The following CDH4 variants were observed in gnomAD, a reference collection of about 807,000 sequenced individuals.
The protein encoded by CDH4 is cadherin 4, also known as cadherin-4.
A neutral mutation model predicts 86.0 loss-of-function variants in CDH4; 33 were observed. The observed-to-expected ratio is 0.38, with a 90% CI of 0.29 to 0.51. The LOEUF is 0.51. Among genes scored for constraint, CDH4 ranks in the 20% least tolerant of loss-of-function variants. The pLI is 0.86. For synonymous variants in CDH4, 555 were observed against 549.4 expected (o/e 1.01, Z -0.14); for missense variants, 1,114 against 1,307.4 (o/e 0.85, Z 2.28).
At chr20:61,499,719 G>A (rs745776101) in intron 2 of CDH4, among the ~76,000 whole-genome samples, 4 of 152,160 alleles carry the variant, frequency 2.6e-5, no homozygotes, top group Non-Finnish European at 4.4e-5. Flanking sequence ...TCAACCTTGA[G>A]CTCCTCACCT....
chr20:61,645,350 G>T (rs1454109990), intron 2 of CDH4, among the ~76,000 whole-genome samples: 1 of 152,208 alleles, frequency 6.6e-6, no homozygotes, highest in Non-Finnish European at 1.5e-5. Context: ...TTGCCGGCCA[G>T]GTGCAGCTGC....
At chr20:61,528,354 G>A (rs916901293) in intron 2 of CDH4, among the ~76,000 whole-genome samples, 4 of 129,642 alleles carry the variant, frequency 3.1e-5, no homozygotes, top group African/African-American at 1.0e-4. Context: ...TCCAGCCCGG[G>A]TGAAAGAGCG....
chr20:61,839,438 T>G (rs1384851255), intron 4 of CDH4, among the ~76,000 whole-genome samples: 1 of 151,652 alleles, frequency 6.6e-6, no homozygotes, highest in Non-Finnish European at 1.5e-5. Context: ...TGTGTGTGTT[T>G]GTGTATTGAG....
chr20:61,788,652 G>A (rs564971897), intron 4 of CDH4, among the ~76,000 whole-genome samples: 7 of 152,298 alleles, frequency 4.6e-5, no homozygotes, highest in South Asian at 4.1e-4. Context: ...CCATGTTTCC[G>A]ATATTTGATG....
chr20:61,842,860 A>G (rs1300606212), intron 4 of CDH4, among the ~76,000 whole-genome samples: 1 of 152,182 alleles, frequency 6.6e-6, no homozygotes, highest in Non-Finnish European at 1.5e-5. Context: ...TTATGAAAAC[A>G]TTCAAGGTTA....
intron 4 of CDH4, among the ~76,000 whole-genome samples, chr20:61,826,147 A>G (rs1005171434): frequency 6.6e-6 from 1 of 152,162 alleles, no homozygotes; most frequent in Non-Finnish European, 1.5e-5. Context: ...CCTTCTGCTC[A>G]GAACTCCCAG....
At chr20:61,632,842 A>ACCCCCCCC (rs2086905705) in intron 2 of CDH4, among the ~76,000 whole-genome samples, 1 of 72,438 alleles carries the variant, frequency 1.4e-5, no homozygotes, top group Non-Finnish European at 2.8e-5. Context: ...TCCTCTCCCC[A>ACCCCCCCC]CCCTCCCACC....
chr20:61,307,886 G>A (rs1357557845), intron 2 of CDH4, among the ~76,000 whole-genome samples: 1 of 152,200 alleles, frequency 6.6e-6, no homozygotes, highest in African/African-American at 2.4e-5. Context: ...CACATATCCT[G>A]CCTGGAAATG....
chr20:61,731,345 G>A (rs943752976), intron 2 of CDH4, among the ~76,000 whole-genome samples: 4 of 152,124 alleles, frequency 2.6e-5, no homozygotes, highest in African/African-American at 9.7e-5. Context: ...CACCCTTCCT[G>A]ACCGCCACCC....
At position 61,360,299 on chromosome 20, in the gene CDH4, TG is replaced by T. The variant is rs548247091; in HGVS notation, c.169+105363del. Among the ~76,000 whole-genome samples the T allele has an allele frequency of 6.0e-3, 919 of 152,282 alleles. 3 individuals carry two copies. The highest frequency in any genetic ancestry group is 0.011 in the Non-Finnish European group (727 of 68,020). ...TTTCCAGGGTATGAAGGATACCAGG[TG>T]AGACGTGGGAGAGACCCAAGAAGTA... On this transcript the variant is annotated intron_variant, in intron 2 of 15. Transcript: ENST00000614565.
intron 2 of CDH4, among the ~76,000 whole-genome samples, chr20:61,307,265 A>C (rs2084422321): frequency 6.6e-6 from 1 of 152,168 alleles, no homozygotes; most frequent in Admixed American, 6.5e-5. Context: ...TTAGGCACTC[A>C]GCACCTGCAT....
chr20:61,585,339 T>C (rs1201904345), intron 2 of CDH4, among the ~76,000 whole-genome samples: 2 of 152,190 alleles, frequency 1.3e-5, no homozygotes, highest in African/African-American at 4.8e-5. Context: ...ACACCATCCC[T>C]CTTACAATCT....
chr20:61,371,648 A>G, intron 2 of CDH4, among the ~76,000 whole-genome samples: 1 of 152,092 alleles, frequency 6.6e-6, no homozygotes, highest in Non-Finnish European at 1.5e-5. Context: ...AGCCCCTACC[A>G]AGGCCTGTGT....
Position 61,894,891 on chromosome 20 carries a change from A to C in CDH4, c.1051-19A>C. 6.2e-7 allele frequency: 1 copy of C among 1,602,084 alleles called. No individual in the cohort carries two copies. Among genetic ancestry groups the C allele is most frequent in the Non-Finnish European group, 8.5e-7 (1 of 1,174,350 alleles). ...CAAACTGATTTTCTGTTCTTTCTCA[A>C]CTGGTGTCTCCCTTCCAGAAAGTTC... On this transcript the variant is annotated intron_variant, in intron 7 of 15. Transcript: ENST00000614565.
chr20:61,647,068 T>C (rs1035196364), intron 2 of CDH4, among the ~76,000 whole-genome samples: 8 of 152,218 alleles, frequency 5.3e-5, no homozygotes, highest in Non-Finnish European at 8.8e-5. Flanking sequence ...CACAGGATGC[T>C]TGGAGGGAGA....
intron 2 of CDH4, among the ~76,000 whole-genome samples, chr20:61,364,902 C>G (rs2084803002): frequency 6.6e-6 from 1 of 152,170 alleles, no homozygotes. Context: ...CTCAGGCCCT[C>G]TTGCAGAGTG....
chr20:61,692,241 A>ATGTG (rs1555825699), intron 2 of CDH4, among the ~76,000 whole-genome samples: 2 of 97,422 alleles, frequency 2.1e-5, no homozygotes, highest in East Asian at 3.3e-4. Context: ...GTGTGTATGT[A>ATGTG]TGTGTGTGTA....
intron 2 of CDH4, among the ~76,000 whole-genome samples, chr20:61,558,222 T>C (rs1352291860): frequency 6.6e-6 from 1 of 152,196 alleles, no homozygotes; most frequent in Non-Finnish European, 1.5e-5. Context: ...ACTGTTCTTA[T>C]CTATGTTCAA....
At chr20:61,370,020 A>C (rs2084831534) in intron 2 of CDH4, 1 of 152,384 alleles carries the variant, frequency 6.6e-6, no homozygotes, top group South Asian at 2.1e-4. Flanking sequence ...CTGGTGTTCC[A>C]GGACCTGGTG....
Sources: gnomAD v4.1 joint callset for allele counts (sites outside exome capture counted in the v4.1 genomes callset) on GRCh38, gnomAD v4.1.1 for gene constraint, MANE v1.5 for transcripts, NCBI Gene and HGNC (gene_info 2026-07-23, HGNC 2026-07-21) for gene names.